Variants in KAT6B observed in about 807,000 individuals in gnomAD.
KAT6B encodes lysine acetyltransferase 6B.
Under a neutral mutation model 187.5 loss-of-function variants are expected in KAT6B, and 10 were observed. The ratio of observed to expected loss-of-function variants is 0.05; its 90% confidence interval spans 0.03 to 0.09. The LOEUF (loss-of-function observed/expected upper bound fraction) is 0.09, where lower values mean the gene tolerates loss of function less well. KAT6B is among the 10% of genes least tolerant of loss of function. The pLI is 1.00. For synonymous variants in KAT6B, 861 were observed against 926.8 expected (o/e 0.93, Z 1.29); for missense variants, 1,952 against 2,558.9 (o/e 0.76, Z 5.12).
intron 3 of KAT6B, among the ~76,000 whole-genome samples, chr10:74,935,119 C>T (rs750292995): frequency 9.2e-5 from 14 of 152,202 alleles, no homozygotes; most frequent in Non-Finnish European, 1.8e-4. Flanking sequence ...AAGACTCGAG[C>T]GTAACACTGA....
At chr10:74,881,684 C>T (rs1301722180) in intron 3 of KAT6B, among the ~76,000 whole-genome samples, 2 of 152,078 alleles carry the variant, frequency 1.3e-5, no homozygotes, top group African/African-American at 2.4e-5. Flanking sequence ...GATGGGGTTT[C>T]GCTGTGTTGC....
intron 13 of KAT6B, among the ~76,000 whole-genome samples, chr10:75,005,121 A>G (rs547367005): frequency 6.6e-6 from 1 of 152,288 alleles, no homozygotes; most frequent in African/African-American, 2.4e-5. Flanking sequence ...CATATATTCC[A>G]GCTTGTAATA....
intron 4 of KAT6B, among the ~76,000 whole-genome samples, chr10:74,967,740 T>G (rs1459350096): frequency 1.3e-5 from 2 of 152,238 alleles, no homozygotes; most frequent in Non-Finnish European, 2.9e-5. Flanking sequence ...AGAATATTCC[T>G]TGCCCCTGAT....
chr10:75,007,668 T>C (rs1363291058), intron 13 of KAT6B, among the ~76,000 whole-genome samples: 1 of 152,232 alleles, frequency 6.6e-6, no homozygotes, highest in African/African-American at 2.4e-5. Flanking sequence ...ACAAGGACAG[T>C]TGCCTTATAA....
At chr10:74,834,981 C>T (rs1464068423) in intron 1 of KAT6B, among the ~76,000 whole-genome samples, 1 of 152,138 alleles carries the variant, frequency 6.6e-6, no homozygotes, top group Non-Finnish European at 1.5e-5. Flanking sequence ...GGCATTGAAA[C>T]CCTCTTATGA....
At chr10:74,835,427 T>G (rs1408333608) in intron 1 of KAT6B, among the ~76,000 whole-genome samples, 2 of 152,212 alleles carry the variant, frequency 1.3e-5, no homozygotes, top group African/African-American at 4.8e-5. Context: ...GACAAATATA[T>G]GTAAAACAGT....
At chr10:74,873,015 C>G (rs1273181930) in intron 3 of KAT6B, among the ~76,000 whole-genome samples, 1 of 152,040 alleles carries the variant, frequency 6.6e-6, no homozygotes, top group East Asian at 1.9e-4. Context: ...TGACCTTGTT[C>G]TTAAGCGGGG....
At chr10:74,968,819 C>T (rs1018158144) in intron 4 of KAT6B, among the ~76,000 whole-genome samples, 4 of 152,194 alleles carry the variant, frequency 2.6e-5, no homozygotes. Flanking sequence ...CCGCACACCT[C>T]TTGGAGGAAT....
chr10:74,927,595 G>A (rs1289254941), intron 3 of KAT6B, among the ~76,000 whole-genome samples: 1 of 151,798 alleles, frequency 6.6e-6, no homozygotes, highest in Non-Finnish European at 1.5e-5. Context: ...TGTGGGAAAT[G>A]GGGCAGCCTC....
At chr10:74,833,192 T>A (rs1408588637) in intron 1 of KAT6B, among the ~76,000 whole-genome samples, 1 of 150,844 alleles carries the variant, frequency 6.6e-6, no homozygotes, top group Non-Finnish European at 1.5e-5. Context: ...TTATTCTCGG[T>A]CTTTGTCATC....
chr10:74,900,428 C>T (rs1441141798), intron 3 of KAT6B, among the ~76,000 whole-genome samples: 2 of 152,182 alleles, frequency 1.3e-5, no homozygotes, highest in Non-Finnish European at 2.9e-5. Context: ...ACTCTGTCTG[C>T]GAGTAGGTTT....
intron 13 of KAT6B, among the ~76,000 whole-genome samples, chr10:75,018,932 G>C (rs1407864699): frequency 2.0e-5 from 3 of 152,202 alleles, no homozygotes; most frequent in Non-Finnish European, 2.9e-5. Flanking sequence ...ACGTTTCTCA[G>C]CATGTGCCAA....
chr10:74,835,713 GA>G (rs1471460799), intron 1 of KAT6B, among the ~76,000 whole-genome samples: 1 of 152,156 alleles, frequency 6.6e-6, no homozygotes, highest in African/African-American at 2.4e-5. Flanking sequence ...AAAGTTTACT[GA>G]TAATCTATGT....
chr10:75,023,953 A>G (rs1223493457), intron 16 of KAT6B, among the ~76,000 whole-genome samples: 2 of 152,246 alleles, frequency 1.3e-5, no homozygotes, highest in African/African-American at 2.4e-5. Flanking sequence ...TGTATTTTCA[A>G]TAATTTGGGG....
At chr10:74,895,959 TG>T (rs954325249) in intron 3 of KAT6B, among the ~76,000 whole-genome samples, 4 of 151,876 alleles carry the variant, frequency 2.6e-5, no homozygotes, top group African/African-American at 9.7e-5. Context: ...TTGTTGTTGT[TG>T]TTTTTTTTTG....
At chr10:75,015,102 T>C (rs1001225312) in intron 13 of KAT6B, among the ~76,000 whole-genome samples, 1 of 152,182 alleles carries the variant, frequency 6.6e-6, no homozygotes, top group African/African-American at 2.4e-5. Flanking sequence ...GTTCTGAGAA[T>C]TTAAAGTTCT....
rs1023490612 is a variant in KAT6B, at chr10:74,877,651, A to T, written c.621+34173A>T. Among the ~76,000 whole-genome samples the T allele has an allele frequency of 5.9e-5, 9 of 152,248 alleles. No individual in the cohort carries two copies. In the East Asian group the frequency reaches 9.6e-4, roughly 16 times the overall value. ...AAAAATAATTAAGATGAAATATCAG[A>T]TAAACCCTATGTCTAGAATGAATAA... is the stretch of plus-strand genomic sequence containing the variant. On this transcript the variant is annotated intron_variant, in intron 3 of 17. Coordinates refer to ENST00000287239, the MANE Select transcript of KAT6B (RefSeq NM_012330.4).
intron 3 of KAT6B, among the ~76,000 whole-genome samples, chr10:74,911,949 G>A (rs775699376): frequency 1.3e-5 from 2 of 152,024 alleles, no homozygotes; most frequent in African/African-American, 4.8e-5. Context: ...AGGACTACAT[G>A]CGTATGCCAC....
At chr10:74,962,058 G>A (rs1351481499) in intron 4 of KAT6B, among the ~76,000 whole-genome samples, 2 of 152,122 alleles carry the variant, frequency 1.3e-5, no homozygotes. Context: ...TGGACTCTGC[G>A]ATGGGATCCG....
Sources: allele counts gnomAD v4.1 joint callset (sites outside exome capture counted in the v4.1 genomes callset), GRCh38; gene constraint gnomAD v4.1.1; transcripts MANE v1.5; gene names NCBI Gene and HGNC (gene_info 2026-07-23, HGNC 2026-07-21).